The following RNF43 variants were observed in gnomAD, a reference collection of about 807,000 sequenced individuals.
The protein encoded by RNF43 is E3 ubiquitin-protein ligase RNF43.
A neutral mutation model predicts 78.4 loss-of-function variants in RNF43; 37 were observed. The observed-to-expected ratio is 0.47, with a 90% CI of 0.36 to 0.62. The LOEUF (loss-of-function observed/expected upper bound fraction) is 0.62, where lower values mean the gene tolerates loss of function less well. Ranked by LOEUF, RNF43 falls within the 20% of genes least tolerant of loss-of-function variation. The pLI is 0.00. For missense variants in RNF43, 774 were observed against 1,007.9 expected (o/e 0.77, Z 3.14); for synonymous variants, 347 against 395.0 (o/e 0.88, Z 1.44).
intron 2 of RNF43, among the ~76,000 whole-genome samples, chr17:58,391,225 T>C (rs1329001820): frequency 1.3e-5 from 2 of 152,172 alleles, no homozygotes; most frequent in African/African-American, 4.8e-5. Flanking sequence ...CCTTCAGACA[T>C]GAGTGTGTGC....
At chr17:58,355,647 C>T (rs1330692414) in intron 9 of RNF43, among the ~76,000 whole-genome samples, 2 of 152,034 alleles carry the variant, frequency 1.3e-5, no homozygotes, top group South Asian at 4.1e-4. Flanking sequence ...GGTGCAGGAA[C>T]CTTTGAGGCC....
intron 2 of RNF43, among the ~76,000 whole-genome samples, chr17:58,412,011 T>C (rs1974033089): frequency 6.6e-6 from 1 of 152,216 alleles, no homozygotes; most frequent in Admixed American, 6.5e-5. Context: ...GTCCTTTTTA[T>C]CAGTCACCGC....
At chr17:58,408,669 A>C (rs1803712061) in intron 2 of RNF43, among the ~76,000 whole-genome samples, 1 of 152,204 alleles carries the variant, frequency 6.6e-6, no homozygotes, top group African/African-American at 2.4e-5. Context: ...CAGAAGAGTA[A>C]AGGAACATAG....
In RNF43 at chr17:58,415,553, G is replaced by C. The variant is rs1179971423; in HGVS notation, c.25C>G (p.Leu9Val). MSGGHQLQ[L>V]AALWPWLLMA... ...AGCAGCCAGGGCCAGAGGGCAGCCAGCTGCAGCTGGTGGCCACCACTCATG... is the reference window on the plus strand; with the variant it reads ...AGCAGCCAGGGCCAGAGGGCAGCCACCTGCAGCTGGTGGCCACCACTCATG... The change falls in exon 2 of 10, where the codon CTG (leucine) becomes GTG (valine). Residue 9 changes from leucine (L) to valine (V), a missense_variant. By Grantham distance (32) the Leu-to-Val change is conservative. Transcript: ENST00000407977. The C allele has an allele frequency of 1.2e-6, 2 of 1,609,040 alleles. No individual in the cohort carries two copies. The highest frequency in any genetic ancestry group is 1.7e-6 in the Non-Finnish European group (2 of 1,180,000).
chr17:58,405,366 C>T (rs1222244264), intron 2 of RNF43, among the ~76,000 whole-genome samples: 4 of 151,966 alleles, frequency 2.6e-5, no homozygotes, highest in South Asian at 4.1e-4. Flanking sequence ...CGTGAGCCAC[C>T]GCACCCGGAC....
chr17:58,372,436 A>G lies in RNF43; in HGVS notation c.253-1403T>C, dbSNP rs188995601. ...AAAGGTTATCATGTGCCCCTGCCCC[A>G]AGAAAAAGGCTGGGGCATGAGGGTG... On this transcript the variant is annotated intron_variant, in intron 2 of 9. Coordinates refer to ENST00000407977, the MANE Select transcript of RNF43 (RefSeq NM_017763.6). Among the ~76,000 whole-genome samples, 198 of 152,330 alleles carry G rather than the reference A, an allele frequency of 1.3e-3. 1 individual carries two copies. The highest frequency in any genetic ancestry group is 9.0e-3 in the Admixed American group (137 of 15,304).
intron 5 of RNF43, among the ~76,000 whole-genome samples, chr17:58,362,976 C>T (rs1972869911): frequency 6.6e-6 from 1 of 152,224 alleles, no homozygotes; most frequent in Admixed American, 6.5e-5. Flanking sequence ...AGAGAAGCCC[C>T]AATCAGGGGT....
rs150990648 is a variant in RNF43, at chr17:58,410,824, A to C, written c.252+4502T>G. ...AGAGATTATTAGAAGGTAGCAGGATATGATGCACTCTGGATCAATCTCAGA... is the reference window on the plus strand; with the variant it reads ...AGAGATTATTAGAAGGTAGCAGGATCTGATGCACTCTGGATCAATCTCAGA... On this transcript the variant is annotated intron_variant, in intron 2 of 9. Coordinates refer to ENST00000407977, the MANE Select transcript of RNF43 (RefSeq NM_017763.6). 1.2e-3 allele frequency among the ~76,000 whole-genome samples: 186 copies of C among 152,348 alleles called. 1 individual carries two copies. The highest frequency in any genetic ancestry group is 4.3e-3 in the African/African-American group (177 of 41,586).
chr17:58,397,796 T>G (rs1183599160), intron 2 of RNF43, among the ~76,000 whole-genome samples: 3 of 148,818 alleles, frequency 2.0e-5, no homozygotes, highest in East Asian at 1.9e-4. Flanking sequence ...CGCTTTAGGC[T>G]ATGTTATTCA....
Position 58,416,206 on chromosome 17 carries a change from GA to G in RNF43, c.-385-245del, listed in dbSNP as rs1974120984. On this transcript the variant is annotated intron_variant, in intron 1 of 9. Transcript: ENST00000407977. ...CCAAAGATGCTACAATATGTATTTA[GA>G]AAAGTTTCCACATTAAACTGTATTT... 3.2e-5 allele frequency: 5 copies of G among 154,682 alleles called. No individual in the cohort carries two copies. In the South Asian group the frequency reaches 1.0e-3, roughly 32 times the overall value. 9.6% of individuals were successfully genotyped at this position (154,682 alleles called of 1,614,324 possible).
rs185472722 is a variant in RNF43, at chr17:58,412,750, A to G, written c.252+2576T>C. On this transcript the variant is annotated intron_variant, in intron 2 of 9. Coordinates refer to ENST00000407977, the MANE Select transcript of RNF43 (RefSeq NM_017763.6). ...CCTTATGAAATTGTCTATACACTGA[A>G]TTAATTGAGCAAAATGTAAAGAAAT... Among the ~76,000 whole-genome samples the G allele has an allele frequency of 5.6e-4, 86 of 152,246 alleles. No homozygotes were observed. In the Middle Eastern group the frequency reaches 0.014, roughly 24 times the overall value.
At chr17:58,378,387 T>C (rs1341675407) in intron 2 of RNF43, among the ~76,000 whole-genome samples, 2 of 152,052 alleles carry the variant, frequency 1.3e-5, no homozygotes, top group African/African-American at 4.8e-5. Context: ...CCTCCTGAGG[T>C]GCTGGGACTA....
rs929720505 is a variant in RNF43 at position 58,358,664 on chromosome 17, C to G, written c.1112G>C (p.Arg371Pro). ...CTGGGATGGCAGGAAGGGACCAGGT[C>G]GTGGGGGCCGAGCCACTGCACTCCG... ...PSRSAVARPP[R>P]PGPFLPSQEP... The change falls in exon 9 of 10, where the codon CGA (arginine) becomes CCA (proline). Residue 371 changes from arginine to proline, a missense_variant. Coordinates refer to ENST00000407977, the MANE Select transcript of RNF43 (RefSeq NM_017763.6). The surrounding 1 kb of genome is among the most constrained non-coding windows in gnomAD (Gnocchi z 6.2). The G allele has an allele frequency of 6.6e-7, 1 of 1,523,420 alleles. No individual in the cohort carries two copies. The highest frequency in any genetic ancestry group is 8.8e-7 in the Non-Finnish European group (1 of 1,133,752). The allele number at this position is 1,523,420 out of a possible 1,614,324, so 94.4% of individuals were successfully genotyped here.
intron 2 of RNF43, among the ~76,000 whole-genome samples, chr17:58,408,985 C>T (rs1389093657): frequency 1.3e-5 from 2 of 151,934 alleles, no homozygotes; most frequent in Non-Finnish European, 2.9e-5. Flanking sequence ...CAGCATGCCA[C>T]GTCAATAATT....
intron 3 of RNF43, among the ~76,000 whole-genome samples, chr17:58,365,153 C>T (rs1184322578): frequency 1.3e-5 from 2 of 152,220 alleles, no homozygotes; most frequent in African/African-American, 2.4e-5. Context: ...TCCCTACTCA[C>T]TTCCTCCCAT....
In RNF43 at chr17:58,360,098, A is replaced by G. The variant is rs1488799836; in HGVS notation, c.952+51T>C. On this transcript the variant is annotated intron_variant, in intron 8 of 9. Transcript: ENST00000407977. The surrounding 1 kb of genome is among the most constrained non-coding windows in gnomAD (Gnocchi z 4.3). Reference sequence around the variant, plus strand: ...CAACCCTTTCCCAAAGGGAAGCCACATTCTAGACCTGTCTGCCTACACAGA... The same window carrying G: ...CAACCCTTTCCCAAAGGGAAGCCACGTTCTAGACCTGTCTGCCTACACAGA... 2 of 1,420,206 alleles carry G rather than the reference A, an allele frequency of 1.4e-6. No individual in the cohort carries two copies. The highest frequency in any genetic ancestry group is 2.0e-6 in the Non-Finnish European group (2 of 1,007,784). The allele number at this position is 1,420,206 out of a possible 1,614,324, so 88.0% of individuals were successfully genotyped here.
chr17:58,352,655 A>G (rs1185461151), downstream of RNF43: 2 of 209,454 alleles, frequency 9.5e-6, no homozygotes, highest in Non-Finnish European at 1.9e-5. Context: ...ATCCAGGGAC[A>G]GCCCCACCCC....
In RNF43 at chr17:58,400,345, AG is replaced by A. The variant is rs1973771063; in HGVS notation, c.252+14980del. The stretch of plus-strand genomic sequence containing the variant: ...ATTAAAAATACAAACAGTCTTGCTT[AG>A]TTATGTTAAGCTGATGCCAAATTGA... On this transcript the variant is annotated intron_variant, in intron 2 of 9. Transcript: ENST00000407977. Among the ~76,000 whole-genome samples, 3 of 152,344 alleles carry A rather than the reference AG, an allele frequency of 2.0e-5. No individual in the cohort carries two copies. In the South Asian group the frequency reaches 6.2e-4, roughly 32 times the overall value.
At chr17:58,397,132 G>A (rs1973699042) in intron 2 of RNF43, among the ~76,000 whole-genome samples, 2 of 151,688 alleles carry the variant, frequency 1.3e-5, no homozygotes, top group Admixed American at 1.3e-4. Flanking sequence ...CCTAGAGGGG[G>A]AAAAATAAAT....
Sources: allele counts gnomAD v4.1 joint callset (sites outside exome capture counted in the v4.1 genomes callset), GRCh38; gene constraint gnomAD v4.1.1; non-coding constraint Gnocchi (gnomAD v3.1); transcripts MANE v1.5; gene names NCBI Gene and HGNC (gene_info 2026-07-23, HGNC 2026-07-21).